The following FOXJ2 variants were observed in gnomAD, a reference collection of about 807,000 sequenced individuals.
FOXJ2 encodes the protein forkhead box J2, also known as forkhead box protein J2.
A neutral mutation model predicts 68.4 loss-of-function variants in FOXJ2; 18 were observed. That is an observed-to-expected ratio of 0.26 (90% confidence interval 0.18 to 0.39). FOXJ2 has a LOEUF of 0.39. FOXJ2 is among the 10% of genes least tolerant of loss of function. The pLI is 1.00. For synonymous variants in FOXJ2, 274 were observed against 263.2 expected (o/e 1.04, Z -0.40); for missense variants, 670 against 726.5 (o/e 0.92, Z 0.89).
At chr12:8,042,514 C>T (rs910734174) in intron 2 of FOXJ2, 144 bp from the exon 3 acceptor site, 1 of 576,906 alleles carries the variant, frequency 1.7e-6, no homozygotes, top group South Asian at 2.3e-5. Context: ...TTCCCTCCAT[C>T]GGTGTAGTTA....
At chr12:8,037,390 G>A (rs1210342928) in intron 1 of FOXJ2, among the ~76,000 whole-genome samples, 1 of 152,146 alleles carries the variant, frequency 6.6e-6, no homozygotes, top group Non-Finnish European at 1.5e-5. Context: ...GAAGGGGGCT[G>A]GAGAAAGGTT....
rs1403122000 is a variant in FOXJ2 at position 8,053,669 on chromosome 12, G to A, written c.*819G>A. ...AGCCCAAACTCTGCTTCTATGGTAG[G>A]GCATGAGGACAACTATTCAGCATGG... On this transcript the variant is annotated 3_prime_UTR_variant, in exon 11 of 11. Transcript: ENST00000162391. The surrounding 1 kb of genome is among the most constrained non-coding windows in gnomAD (Gnocchi z 4.1). 6.6e-6 allele frequency: 1 copy of A among 152,142 alleles called. No homozygotes were observed. The highest frequency in any genetic ancestry group is 2.4e-5 in the African/African-American group (1 of 41,410). 9.4% of individuals were successfully genotyped at this position (152,142 alleles called of 1,614,324 possible). A position where few individuals can be genotyped will look rare whatever the true frequency, so the allele number is the denominator to read the frequency against.
Position 8,043,772 on chromosome 12 carries a change from A to G in FOXJ2, c.477+3A>G. 6.2e-7 allele frequency: 1 copy of G among 1,614,188 alleles called. No homozygotes were observed. Among genetic ancestry groups the G allele is most frequent in the Non-Finnish European group, 8.5e-7 (1 of 1,180,018 alleles). On this transcript the variant is annotated splice_donor_region_variant and intron_variant, in intron 4 of 10. Coordinates refer to ENST00000162391, the MANE Select transcript of FOXJ2 (RefSeq NM_018416.3). ...GAAGACACCCTCCAGATGATGATGT[A>G]AGTTCCCAGCTCATGAGGAGATGCC...
In FOXJ2 at chr12:8,053,789, G is replaced by A. The variant is rs1947154791; in HGVS notation, c.*939G>A. 1.3e-5 allele frequency: 2 copies of A among 152,058 alleles called. No individual in the cohort carries two copies. The highest frequency in any genetic ancestry group is 6.6e-5 in the Admixed American group (1 of 15,262). 9.4% of individuals were successfully genotyped at this position (152,058 alleles called of 1,614,324 possible). A position where few individuals can be genotyped will look rare whatever the true frequency, so the allele number is the denominator to read the frequency against. On this transcript the variant is annotated 3_prime_UTR_variant, in exon 11 of 11. Coordinates refer to ENST00000162391, the MANE Select transcript of FOXJ2 (RefSeq NM_018416.3). The surrounding 1 kb of genome is among the most constrained non-coding windows in gnomAD (Gnocchi z 4.1). ...AATTGTGGCTCTTATTTGCATTTAC[G>A]AATGATCTTCCCATCCCTTTTTCCC...
chr12:8,049,346 G>T lies in FOXJ2; in HGVS notation c.1328-16G>T. The T allele has an allele frequency of 5.0e-6, 8 of 1,595,530 alleles. No homozygotes were observed. Among genetic ancestry groups the T allele is most frequent in the Non-Finnish European group, 6.0e-6 (7 of 1,166,558 alleles). On this transcript the variant is annotated splice_polypyrimidine_tract_variant and intron_variant, in intron 8 of 10. Coordinates refer to ENST00000162391, the MANE Select transcript of FOXJ2 (RefSeq NM_018416.3). ...TACCTCTGCAAGGTTTGCATTGCTTGCTTCCCTCTTTGTAGAACTGATGGA... is the reference window on the plus strand; with the variant it reads ...TACCTCTGCAAGGTTTGCATTGCTTTCTTCCCTCTTTGTAGAACTGATGGA...
intron 2 of FOXJ2, among the ~76,000 whole-genome samples, chr12:8,041,554 C>T (rs1946965567): frequency 6.6e-6 from 1 of 151,480 alleles, no homozygotes; most frequent in African/African-American, 2.4e-5. Flanking sequence ...TGCTCTGTCA[C>T]CCAGGCTGGA....
intron 6 of FOXJ2, among the ~76,000 whole-genome samples, chr12:8,046,368 T>A (rs1565629768): frequency 6.6e-6 from 1 of 152,220 alleles, no homozygotes; most frequent in Non-Finnish European, 1.5e-5. Flanking sequence ...TTATCAGTAT[T>A]TTATTAGGCT....
chr12:8,036,970 T>A (rs773892807), intron 1 of FOXJ2, among the ~76,000 whole-genome samples: 2 of 151,980 alleles, frequency 1.3e-5, no homozygotes, highest in Admixed American at 6.6e-5. Flanking sequence ...GTGCCTATAA[T>A]CCCAGCTACT....
At position 8,042,649 on chromosome 12, in the gene FOXJ2, C is replaced by T. The variant is rs758094985; in HGVS notation, c.334-9C>T. On this transcript the variant is annotated splice_polypyrimidine_tract_variant and intron_variant, in intron 2 of 10. Transcript: ENST00000162391. The stretch of plus-strand genomic sequence containing the variant: ...TGCTCAGGCCTAACTTGCTTCTCTG[C>T]CTCTCCAGAATTCAATACGGCACAA... 3.1e-6 allele frequency: 5 copies of T among 1,613,776 alleles called. No homozygotes were observed. In the East Asian group the frequency reaches 8.9e-5, roughly 29 times the overall value.
At chr12:8,045,688 C>T (rs531017390) in intron 6 of FOXJ2, among the ~76,000 whole-genome samples, 160 of 149,118 alleles carry the variant, frequency 1.1e-3, no homozygotes, top group Non-Finnish European at 1.9e-3. Context: ...CACAGTTTCG[C>T]TCTTTGTTGC....
intron 10 of FOXJ2, among the ~76,000 whole-genome samples, chr12:8,050,842 T>C (rs73063344): frequency 0.51 from 39,130 of 76,338 alleles, 8,073 homozygotes; most frequent in African/African-American, 0.59. Context: ...CCTCCCTTCC[T>C]TTCCCTTCCC....
chr12:8,048,330 G>A lies in FOXJ2; in HGVS notation c.1225+41G>A, dbSNP rs201548655. ...GCACAGTGATCTAGAGGAGGGTGGGGTGATGTCCTTGTCCTAACACCGGCA... is the reference window on the plus strand; with the variant it reads ...GCACAGTGATCTAGAGGAGGGTGGGATGATGTCCTTGTCCTAACACCGGCA... On this transcript the variant is annotated intron_variant, in intron 7 of 10. Transcript: ENST00000162391. The A allele has an allele frequency of 3.9e-4, 587 of 1,512,638 alleles. 1 individual carries two copies. Among genetic ancestry groups the A allele is most frequent in the Non-Finnish European group, 6.8e-5 (77 of 1,131,034 alleles). 93.7% of individuals were successfully genotyped at this position (1,512,638 alleles called of 1,614,324 possible).
At chr12:8,047,403 C>T (rs748718402) in intron 6 of FOXJ2, among the ~76,000 whole-genome samples, 2 of 152,006 alleles carry the variant, frequency 1.3e-5, no homozygotes, top group East Asian at 1.9e-4. Context: ...GAGCCGAGAT[C>T]GCACCATTGC....
Position 8,038,166 on chromosome 12 carries a change from T to C in FOXJ2, c.-14-1653T>C, listed in dbSNP as rs891796651. ...TGTTGCTGGTTAGGAGCTGGGTACT[T>C]GTGCACACATGCAGATTGCCATCTG... On this transcript the variant is annotated intron_variant, in intron 1 of 10. Coordinates refer to ENST00000162391, the MANE Select transcript of FOXJ2 (RefSeq NM_018416.3). The surrounding 1 kb of genome is among the most constrained non-coding windows in gnomAD (Gnocchi z 5.3). Among the ~76,000 whole-genome samples, 1 of 152,140 alleles carries C rather than the reference T, an allele frequency of 6.6e-6. No homozygotes were observed. Among genetic ancestry groups the C allele is most frequent in the African/African-American group, 2.4e-5 (1 of 41,424 alleles).
chr12:8,049,574 A>G lies in FOXJ2; in HGVS notation c.1537+3A>G. 6.4e-7 allele frequency: 1 copy of G among 1,573,188 alleles called. No individual in the cohort carries two copies. Among genetic ancestry groups the G allele is most frequent in the South Asian group, 1.1e-5 (1 of 87,668 alleles). ...ACAGGAGTCAGCCATGAGCCAAGGT[A>G]CTGCACCAAGCCAGTTGCCATGGAG... On this transcript the variant is annotated splice_donor_region_variant and intron_variant, in intron 9 of 10. Coordinates refer to ENST00000162391, the MANE Select transcript of FOXJ2 (RefSeq NM_018416.3).
chr12:8,043,753 A>G lies in FOXJ2; in HGVS notation c.461A>G (p.His154Arg). Residue 154 changes from histidine to arginine, a missense_variant, in exon 4 of 11, where the codon CAC becomes CGC. His to Arg is a conservative substitution (Grantham distance 29, BLOSUM62 0). Around this residue, in one of 2 missense-constraint regions of FOXJ2, gnomAD observed 555 missense variants for 562.2 expected, o/e 0.99. Coordinates refer to ENST00000162391, the MANE Select transcript of FOXJ2 (RefSeq NM_018416.3). ...CCTGACATTTCCCGAAAGAGAAGAC[A>G]CCCTCCAGATGATGATGTAAGTTCC... ...TCPDISRKRR[H>R]PPDDDLSQDS... 1 of 1,614,056 alleles carries G rather than the reference A, an allele frequency of 6.2e-7. No individual in the cohort carries two copies. The highest frequency in any genetic ancestry group is 8.5e-7 in the Non-Finnish European group (1 of 1,180,008).
chr12:8,050,828 TTCCCC>T (rs1219741726), intron 10 of FOXJ2, among the ~76,000 whole-genome samples: 7 of 78,204 alleles, frequency 9.0e-5, no homozygotes, highest in South Asian at 4.8e-4. Context: ...CTCCCCTCCC[TTCCCC>T]TCCCTTCCTT....
chr12:8,050,864 T>TTCCCCTTCCCC (rs1947109893), intron 10 of FOXJ2, among the ~76,000 whole-genome samples: 1 of 49,550 alleles, frequency 2.0e-5, no homozygotes, highest in African/African-American at 8.5e-5. Flanking sequence ...TTCCCTTCCC[T>TTCCCCTTCCCC]TCCCCTTCCC....
At chr12:8,051,780 TG>T (rs1261159100) in intron 10 of FOXJ2, among the ~76,000 whole-genome samples, 1 of 152,204 alleles carries the variant, frequency 6.6e-6, no homozygotes, top group Admixed American at 6.5e-5. Flanking sequence ...TTTTCAATTT[TG>T]GGGGTGACAT....
Sources: gnomAD v4.1 joint callset for allele counts (sites outside exome capture counted in the v4.1 genomes callset) on GRCh38, gnomAD v4.1.1 for gene constraint, gnomAD v4.1.1 regional missense constraint, Gnocchi (gnomAD v3.1) non-coding constraint, MANE v1.5 for transcripts, NCBI Gene and HGNC (gene_info 2026-07-23, HGNC 2026-07-21) for gene names.